SEPSECS: variants seen among roughly 807,000 people sequenced by gnomAD.
The protein encoded by SEPSECS is O-phosphoseryl-tRNA(Sec) selenium transferase.
A neutral mutation model predicts 52.1 loss-of-function variants in SEPSECS; 42 were observed. The ratio of observed to expected loss-of-function variants is 0.81; its 90% CI spans 0.63 to 1.04. The LOEUF (loss-of-function observed/expected upper bound fraction) is 1.04. Among genes scored for constraint, SEPSECS ranks in the 50% least tolerant of loss-of-function variants. The pLI is 0.00. For missense variants in SEPSECS, 590 were observed against 610.6 expected (o/e 0.97, Z 0.36); for synonymous variants, 216 against 211.4 (o/e 1.02, Z -0.19).
intron 10 of SEPSECS, 122 bp downstream of exon 10, chr4:25,125,572 C>A: frequency 4.1e-6 from 3 of 724,652 alleles, no homozygotes; most frequent in Non-Finnish European, 7.5e-6. Flanking sequence ...ATTCTTTACT[C>A]CATGATGAAT....
intron 10 of SEPSECS, 160 bp downstream of exon 10, chr4:25,125,534 A>G (rs1728323794): frequency 3.0e-6 from 2 of 666,246 alleles, no homozygotes; most frequent in African/African-American, 3.6e-5. Flanking sequence ...GTGGGCATAC[A>G]GTAGCCTTAC....
At position 25,157,814 on chromosome 4, in the gene SEPSECS, A is replaced by G. The variant is rs150119952; in HGVS notation, c.270-840T>C. ...CCCGCCTTGGCCTCCCAAAGTGCTG[A>G]GATTACCGGCGTGAGCCACCGTGCC... On this transcript the variant is annotated intron_variant, in intron 2 of 10. Coordinates refer to ENST00000382103, the MANE Select transcript of SEPSECS (RefSeq NM_016955.4). 1.9e-3 allele frequency among the ~76,000 whole-genome samples: 287 copies of G among 152,060 alleles called. 2 individuals carry two copies. Among genetic ancestry groups the G allele is most frequent in the African/African-American group, 6.7e-3 (279 of 41,490 alleles).
In SEPSECS at chr4:25,156,061, A is replaced by T; in HGVS notation, c.523T>A (p.Cys175Ser). Residue 175 changes from cysteine to serine, a missense_variant, in exon 4 of 11, where the codon TGC becomes AGC. By Grantham distance (112) the Cys-to-Ser change is moderately radical. Transcript: ENST00000382103. Reference sequence around the variant, plus strand: ...CCTGCAGTGATCATGGATTTAAAGCAGGACTTCTGGTCTATTCGTGGCCAT... The same window carrying T: ...CCTGCAGTGATCATGGATTTAAAGCTGGACTTCTGGTCTATTCGTGGCCAT... ...IIWPRIDQKS[C>S]FKSMITAGFE... 6.2e-7 allele frequency: 1 copy of T among 1,614,006 alleles called. No individual in the cohort carries two copies. The highest frequency in any genetic ancestry group is 8.5e-7 in the Non-Finnish European group (1 of 1,179,902).
intron 5 of SEPSECS, among the ~76,000 whole-genome samples, chr4:25,152,305 AT>A (rs1712353430): frequency 6.6e-6 from 1 of 152,074 alleles, no homozygotes; most frequent in Admixed American, 6.5e-5. Context: ...TACAAAAAAA[AT>A]ACAAAAATTT....
In SEPSECS at chr4:25,123,684, G is replaced by T. The variant is rs1227685205; in HGVS notation, c.*247C>A. The T allele has an allele frequency of 2.0e-6, 1 of 500,664 alleles. No individual in the cohort carries two copies. Among genetic ancestry groups the T allele is most frequent in the Non-Finnish European group, 3.6e-6 (1 of 277,788 alleles). The allele number at this position is 500,664 out of a possible 1,614,324, so 31.0% of individuals were successfully genotyped here. A position where few individuals can be genotyped will look rare whatever the true frequency, so the allele number is the denominator to read the frequency against. ...TCTGAGTCATGATGCTTAATTGACA[G>T]ATATTCTAACAATTAGAAAAATGCT... On this transcript the variant is annotated 3_prime_UTR_variant, in exon 11 of 11. Transcript: ENST00000382103.
At chr4:25,132,208 T>G (rs996962146) in intron 8 of SEPSECS, among the ~76,000 whole-genome samples, 1 of 152,242 alleles carries the variant, frequency 6.6e-6, no homozygotes, top group African/African-American at 2.4e-5. Flanking sequence ...TCTGAAGAGA[T>G]AGAGCTAGAT....
At chr4:25,156,430 C>A (rs1467306920) in intron 3 of SEPSECS, among the ~76,000 whole-genome samples, 6 of 151,436 alleles carry the variant, frequency 4.0e-5, no homozygotes, top group Admixed American at 3.9e-4. Context: ...TTCGGCCGGG[C>A]GCGGTGGCTC....
intron 8 of SEPSECS, among the ~76,000 whole-genome samples, chr4:25,141,828 C>T (rs1188244313): frequency 6.6e-6 from 1 of 152,188 alleles, no homozygotes; most frequent in African/African-American, 2.4e-5. Flanking sequence ...CCACAGTTCT[C>T]CTTGCTCTTT....
Position 25,125,735 on chromosome 4 carries a change from C to T in SEPSECS, c.1170G>A (p.Gln390=). Residue 390 remains glutamine, a synonymous_variant, in exon 10 of 11, where the codon CAG becomes CAA. Transcript: ENST00000382103. ...LDEHRDKAVT[Q]LGSMLFTRQV... is the part of the protein sequence containing the mutation. Reference sequence around the variant, plus strand: ...GTCTGGTAAAAAGCATCGAGCCAAGCTGAGTGACAGCTTTGTCACGGTGTT... The same window carrying T: ...GTCTGGTAAAAAGCATCGAGCCAAGTTGAGTGACAGCTTTGTCACGGTGTT... 6.2e-7 allele frequency: 1 copy of T among 1,613,204 alleles called. No homozygotes were observed. Among genetic ancestry groups the T allele is most frequent in the Non-Finnish European group, 8.5e-7 (1 of 1,179,542 alleles).
intron 3 of SEPSECS, 135 bp downstream of exon 3, chr4:25,156,707 CAAAAAAAAAAAAAA>C (rs34542574): frequency 9.1e-5 from 21 of 229,662 alleles, no homozygotes; most frequent in South Asian, 2.6e-4. Context: ...GACTCCGTCT[CAAAAAAAAAAAAAA>C]AAAAAAAAAA....
chr4:25,123,694 C>A lies in SEPSECS; in HGVS notation c.*237G>T. 1.9e-6 allele frequency: 1 copy of A among 516,500 alleles called. No individual in the cohort carries two copies. The highest frequency in any genetic ancestry group is 2.5e-5 in the South Asian group (1 of 40,382). 32.0% of individuals were successfully genotyped at this position (516,500 alleles called of 1,614,324 possible). A position where few individuals can be genotyped will look rare whatever the true frequency, so the allele number is the denominator to read the frequency against. On this transcript the variant is annotated 3_prime_UTR_variant, in exon 11 of 11. Transcript: ENST00000382103. ...GATGCTTAATTGACAGATATTCTAA[C>A]AATTAGAAAAATGCTAATTGTATAT... is the stretch of plus-strand genomic sequence containing the variant.
intron 8 of SEPSECS, among the ~76,000 whole-genome samples, chr4:25,133,217 T>A (rs1728682709): frequency 6.6e-6 from 1 of 152,178 alleles, no homozygotes; most frequent in South Asian, 2.1e-4. Flanking sequence ...TATAATCCTG[T>A]TCTTGTCCTG....
chr4:25,129,751 A>G (rs758354777), intron 8 of SEPSECS, among the ~76,000 whole-genome samples: 6 of 152,146 alleles, frequency 3.9e-5, no homozygotes, highest in Non-Finnish European at 7.3e-5. Flanking sequence ...GAACAAATCA[A>G]CAGTTTTTCC....
At chr4:25,141,831 T>A (rs1368352527) in intron 8 of SEPSECS, among the ~76,000 whole-genome samples, 2 of 151,988 alleles carry the variant, frequency 1.3e-5, no homozygotes, top group South Asian at 4.2e-4. Flanking sequence ...CAGTTCTCCT[T>A]GCTCTTTTTG....
chr4:25,157,646 G>A (rs1427465350), intron 2 of SEPSECS, among the ~76,000 whole-genome samples: 1 of 148,828 alleles, frequency 6.7e-6, no homozygotes, highest in African/African-American at 2.5e-5. Context: ...CCAGGTTCCC[G>A]CCATTCTCCT....
At chr4:25,160,158 A>G (rs1712977282) in intron 1 of SEPSECS, 98 bp downstream of exon 1, 1 of 1,527,792 alleles carries the variant, frequency 6.5e-7, no homozygotes, top group African/African-American at 1.4e-5. Context: ...AGTCTCAAGC[A>G]GCGAAGAGCT....
At chr4:25,128,395 T>C (rs1237181764) in intron 8 of SEPSECS, among the ~76,000 whole-genome samples, 1 of 151,932 alleles carries the variant, frequency 6.6e-6, no homozygotes, top group East Asian at 1.9e-4. Context: ...AGTCCAAGCT[T>C]GAGCCCAGGA....
chr4:25,134,975 A>C (rs557435283), intron 8 of SEPSECS, among the ~76,000 whole-genome samples: 13 of 152,228 alleles, frequency 8.5e-5, no homozygotes, highest in Non-Finnish European at 1.3e-4. Context: ...GTAAATAACG[A>C]AATTAAGGCA....
At chr4:25,158,750 T>C (rs1170034198) in intron 2 of SEPSECS, among the ~76,000 whole-genome samples, 1 of 152,222 alleles carries the variant, frequency 6.6e-6, no homozygotes, top group Non-Finnish European at 1.5e-5. Context: ...ACTTAGTTTT[T>C]ACTCTATTGT....
Sources: allele counts gnomAD v4.1 joint callset (sites outside exome capture counted in the v4.1 genomes callset), GRCh38; gene constraint gnomAD v4.1.1; transcripts MANE v1.5; gene names NCBI Gene and HGNC (gene_info 2026-07-23, HGNC 2026-07-21).